ENTPD5: variants seen among roughly 807,000 people sequenced by gnomAD.
ENTPD5 encodes ectonucleoside triphosphate diphosphohydrolase 5 (inactive).
In ENTPD5, 49 loss-of-function variants were observed where a neutral mutation model predicts 60.2. The ratio of observed to expected loss-of-function variants is 0.81; its 90% CI spans 0.65 to 1.03. The LOEUF is 1.03. Among genes scored for constraint, ENTPD5 ranks in the 50% least tolerant of loss-of-function variants. ENTPD5 has a pLI of 0.00. For synonymous variants in ENTPD5, 187 were observed against 185.4 expected (o/e 1.01, Z -0.07); for missense variants, 480 against 507.6 (o/e 0.95, Z 0.52).
chr14:73,978,044 G>A (rs142538609), intron 6 of ENTPD5, among the ~76,000 whole-genome samples: 10 of 152,264 alleles, frequency 6.6e-5, no homozygotes, highest in South Asian at 4.1e-4. Flanking sequence ...TAGGAAGAAC[G>A]CTAGTCTGTT....
At chr14:73,958,993 C>G (rs145357086), downstream of ENTPD5, 3 of 1,613,954 alleles carry the variant, frequency 1.9e-6, no homozygotes, top group African/African-American at 4.0e-5. Context: ...GGTCACAACT[C>G]CGGAGTACGG....
chr14:73,961,505 G>T, downstream of ENTPD5: 3 of 1,614,188 alleles, frequency 1.9e-6, no homozygotes, highest in Non-Finnish European at 2.5e-6. Flanking sequence ...GTCAACATGG[G>T]CTTTGGGGAT....
At chr14:73,961,636 A>G, downstream of ENTPD5, 1 of 1,601,368 alleles carries the variant, frequency 6.2e-7, no homozygotes. Context: ...CAGGGCCCAC[A>G]GTAGCAAGAG....
chr14:73,958,209 A>G (rs1473661252), downstream of ENTPD5: 12 of 1,613,854 alleles, frequency 7.4e-6, no homozygotes, highest in African/African-American at 1.3e-5. Flanking sequence ...TCCATTTCCT[A>G]TGGCCGACTC....
rs1353447433 is a variant in ENTPD5 at position 74,001,762 on chromosome 14, C to G, written c.-71+9329G>C. 2.1e-5 allele frequency among the ~76,000 whole-genome samples: 3 copies of G among 145,246 alleles called. 1 individual carries two copies. The highest frequency in any genetic ancestry group is 7.6e-5 in the African/African-American group (3 of 39,270). On this transcript the variant is annotated intron_variant, in intron 3 of 15. Coordinates refer to ENST00000334696, the MANE Select transcript of ENTPD5 (RefSeq NM_001249.5). The stretch of plus-strand genomic sequence containing the variant: ...ATTCAGGAGGCTGAGGTATGAGGAT[C>G]ATTTGAGCCTGAGAAGTGGAGGCTG...
At chr14:74,010,561 A>T (rs967691083) in intron 3 of ENTPD5, among the ~76,000 whole-genome samples, 5 of 152,144 alleles carry the variant, frequency 3.3e-5, no homozygotes, top group African/African-American at 7.2e-5. Context: ...TCTCAAAAAA[A>T]AAAAATAAAA....
chr14:74,005,740 G>C (rs1034724710), intron 3 of ENTPD5, among the ~76,000 whole-genome samples: 4 of 152,132 alleles, frequency 2.6e-5, no homozygotes, highest in African/African-American at 9.7e-5. Flanking sequence ...CCAGGAGGCA[G>C]AGGTTGCGGT....
intron 3 of ENTPD5, among the ~76,000 whole-genome samples, chr14:74,010,391 C>T (rs1405806336): frequency 1.3e-5 from 2 of 152,058 alleles, no homozygotes; most frequent in Admixed American, 6.6e-5. Flanking sequence ...CCTGTCTCTA[C>T]TAAAAATACA....
downstream of ENTPD5, chr14:73,960,018 G>A (rs1471014448): frequency 2.9e-6 from 3 of 1,022,632 alleles, no homozygotes; most frequent in African/African-American, 1.7e-5. Flanking sequence ...CCTTTTGAGG[G>A]TTGTGGGCTG....
At chr14:73,983,461 A>T (rs1031777393) in intron 5 of ENTPD5, among the ~76,000 whole-genome samples, 2 of 151,770 alleles carry the variant, frequency 1.3e-5, no homozygotes, top group Non-Finnish European at 2.9e-5. Context: ...CATCTCCACT[A>T]AAAAATACAA....
intron 3 of ENTPD5, chr14:73,996,058 G>A: frequency 1.3e-6 from 1 of 780,040 alleles, no homozygotes; most frequent in Non-Finnish European, 1.6e-6. Context: ...GTCCCCGGAA[G>A]CCTGAGAGAC....
chr14:73,961,888 A>G (rs769241038), downstream of ENTPD5: 1 of 1,614,166 alleles, frequency 6.2e-7, no homozygotes, highest in East Asian at 2.2e-5. Context: ...CCACAAATGC[A>G]GTGTCTCCAC....
chr14:73,982,975 G>A (rs201038977), intron 6 of ENTPD5, 43 bp downstream of exon 6: 5 of 1,592,376 alleles, frequency 3.1e-6, no homozygotes, highest in Admixed American at 3.5e-5. Context: ...TATTCATATA[G>A]GGAAAAGGGC....
intron 11 of ENTPD5, among the ~76,000 whole-genome samples, chr14:73,974,218 G>A (rs1258650953): frequency 6.6e-6 from 1 of 152,132 alleles, no homozygotes; most frequent in Admixed American, 6.6e-5. Flanking sequence ...ATGTGCTTTT[G>A]TCAGAGGGGT....
At position 74,001,278 on chromosome 14, in the gene ENTPD5, G is replaced by A. The variant is rs1185143040; in HGVS notation, c.-71+9813C>T. Among the ~76,000 whole-genome samples, 13 of 152,246 alleles carry A rather than the reference G, an allele frequency of 8.5e-5. No individual in the cohort carries two copies. In the East Asian group the frequency reaches 9.6e-4, roughly 11 times the overall value. On this transcript the variant is annotated intron_variant, in intron 3 of 15. Transcript: ENST00000334696. ...AGCACTTTGGGAGGCCAAGGCAAGCGGATCACGAGGTCAAGAGATCGAGAC... is the reference window on the plus strand; with the variant it reads ...AGCACTTTGGGAGGCCAAGGCAAGCAGATCACGAGGTCAAGAGATCGAGAC...
chr14:73,982,713 G>A (rs960736460), intron 6 of ENTPD5, among the ~76,000 whole-genome samples: 9 of 151,986 alleles, frequency 5.9e-5, no homozygotes, highest in African/African-American at 1.7e-4. Context: ...CCAAGATGGC[G>A]CCACTGCACT....
chr14:73,972,772 A>G (rs891309504), intron 13 of ENTPD5, 112 bp downstream of exon 13: 1 of 1,265,300 alleles, frequency 7.9e-7, no homozygotes, highest in African/African-American at 1.5e-5. Flanking sequence ...GTGACTAGAA[A>G]AGAGGTGGGT....
chr14:73,971,797 A>G (rs2057236995), intron 14 of ENTPD5, 55 bp downstream of exon 14: 1 of 1,227,248 alleles, frequency 8.1e-7, no homozygotes, highest in African/African-American at 1.5e-5. Flanking sequence ...TTAGGTCACT[A>G]GAGTAGGCAG....
chr14:73,976,240 G>C (rs2057439624), intron 9 of ENTPD5, 84 bp downstream of exon 9: 2 of 1,196,634 alleles, frequency 1.7e-6, no homozygotes, highest in Admixed American at 3.5e-5. Flanking sequence ...TAGAGCTGCT[G>C]GCTGAAAATG....
Sources: allele counts gnomAD v4.1 joint callset (sites outside exome capture counted in the v4.1 genomes callset), GRCh38; gene constraint gnomAD v4.1.1; transcripts MANE v1.5; gene names NCBI Gene and HGNC (gene_info 2026-07-23, HGNC 2026-07-21).